Variants in USP40 observed in about 807,000 individuals in gnomAD.
USP40 encodes ubiquitin carboxyl-terminal hydrolase 40.
USP40 carries 143 observed loss-of-function variants against 166.2 expected under a neutral mutation model. The ratio of observed to expected loss-of-function variants is 0.86; its 90% CI spans 0.75 to 0.99. The LOEUF (loss-of-function observed/expected upper bound fraction) is 0.99, where lower values mean the gene tolerates loss of function less well. Ranked by LOEUF, USP40 falls within the 50% of genes least tolerant of loss-of-function variation. The pLI is 0.00. For missense variants in USP40, 1,444 were observed against 1,479.7 expected (o/e 0.98, Z 0.40); for synonymous variants, 498 against 524.0 (o/e 0.95, Z 0.68).
In USP40 at chr2:233,482,582, G is replaced by GTTTTT. The variant is rs1203339243; in HGVS notation, c.3505-1290_3505-1286dup. Among the ~76,000 whole-genome samples, 670 of 136,912 alleles carry GTTTTT rather than the reference G, an allele frequency of 4.9e-3. 12 individuals are homozygous for GTTTTT. The highest frequency in any genetic ancestry group is 0.018 in the African/African-American group (645 of 35,282). 89.8% of individuals were successfully genotyped at this position (136,912 alleles called of 152,430 possible). A position where few individuals can be genotyped will look rare whatever the true frequency, so the allele number is the denominator to read the frequency against. ...TGTACCAACTTGTGTTCCCACTGGA[G>GTTTTT]TTTTTTTTTTTTGTTTTTTTTTTTT... On this transcript the variant is annotated intron_variant, in intron 30 of 31. Coordinates refer to ENST00000678225, the MANE Select transcript of USP40 (RefSeq NM_001365479.2).
chr2:233,503,449 C>T (rs2066214795), intron 21 of USP40, among the ~76,000 whole-genome samples: 2 of 152,116 alleles, frequency 1.3e-5, no homozygotes, highest in African/African-American at 2.4e-5. Flanking sequence ...TTAGATTCAA[C>T]ACAAAAAGAT....
intron 25 of USP40, chr2:233,491,480 T>C: frequency 1.8e-6 from 1 of 564,860 alleles, no homozygotes; most frequent in South Asian, 2.1e-5. Flanking sequence ...TGCCCCTACC[T>C]TGAATGTACT....
At chr2:233,487,845 A>G (rs529669167) in intron 28 of USP40, 93 of 451,882 alleles carry the variant, frequency 2.1e-4, no homozygotes, top group African/African-American at 1.8e-3. Flanking sequence ...CAGTAAGTAC[A>G]GATATGTCAG....
At chr2:233,564,917 G>A (rs1338328872) in intron 2 of USP40, among the ~76,000 whole-genome samples, 1 of 152,066 alleles carries the variant, frequency 6.6e-6, no homozygotes, top group Non-Finnish European at 1.5e-5. Context: ...TCAGAAATGC[G>A]TATGAACAAC....
chr2:233,476,045 C>T lies in USP40; in HGVS notation c.*1347G>A, dbSNP rs563610134. Reference sequence around the variant, plus strand: ...GCAGTGCTTCACGGAAACGCACAGACGTCTATGGCAGACGCTCTCAGACAC... The same window carrying T: ...GCAGTGCTTCACGGAAACGCACAGATGTCTATGGCAGACGCTCTCAGACAC... On this transcript the variant is annotated 3_prime_UTR_variant, in exon 32 of 32. Transcript: ENST00000678225. 3 of 152,484 alleles carry T rather than the reference C, an allele frequency of 2.0e-5. No homozygotes were observed. Among genetic ancestry groups the T allele is most frequent in the South Asian group, 4.1e-4 (2 of 4,834 alleles). The allele number at this position is 152,484 out of a possible 1,614,324, so 9.4% of individuals were successfully genotyped here.
chr2:233,521,060 G>A lies in USP40; in HGVS notation c.2256C>T (p.Leu752=), dbSNP rs957059773. ...CTAACTGGCATAAATTTTTAACGTG[G>A]AGCCAGTCAATCTCATTCATACTAG... is the stretch of plus-strand genomic sequence containing the variant. ...WVTSMNEIDW[L]HVKNLCQLES... is the part of the protein sequence containing the mutation. The change falls in exon 17 of 32, where the codon CTC becomes CTT. Residue 752 remains leucine (L), a synonymous_variant. Transcript: ENST00000678225. The A allele has an allele frequency of 3.7e-6, 6 of 1,613,310 alleles. No individual in the cohort carries two copies. The highest frequency in any genetic ancestry group is 5.1e-6 in the Non-Finnish European group (6 of 1,179,582).
In USP40 at chr2:233,477,137, TGTGA is replaced by T; in HGVS notation, c.*251_*254del. ...AAAAGGCAGCTGGGGCCGGGTGCTG[TGTGA>T]GAGAGCCCAGCACCTACTGGCAGCT... On this transcript the variant is annotated 3_prime_UTR_variant, in exon 32 of 32. Transcript: ENST00000678225. 2.0e-6 allele frequency: 1 copy of T among 495,790 alleles called. No individual in the cohort carries two copies. Among genetic ancestry groups the T allele is most frequent in the Non-Finnish European group, 3.7e-6 (1 of 270,540 alleles). 30.7% of individuals were successfully genotyped at this position (495,790 alleles called of 1,614,324 possible).
intron 2 of USP40, among the ~76,000 whole-genome samples, chr2:233,564,802 A>G (rs2071989798): frequency 6.6e-6 from 1 of 152,222 alleles, no homozygotes; most frequent in African/African-American, 2.4e-5. Flanking sequence ...ATGAACATTC[A>G]CCCACATGAG....
chr2:233,532,978 G>C (rs577495354), intron 11 of USP40, among the ~76,000 whole-genome samples: 1 of 151,046 alleles, frequency 6.6e-6, no homozygotes, highest in Non-Finnish European at 1.5e-5. Context: ...TGAGAAACAG[G>C]AAAATAAAGG....
Position 233,477,488 on chromosome 2 carries a change from A to G in USP40, c.3615T>C (p.His1205=), listed in dbSNP as rs2971863. ...LGRRKSQEAL[H]EQSSYILSSA... Reference sequence around the variant, plus strand: ...TGGAGAGGATGTAGCTGCTCTGCTCATGGAGGGCTTCTTGGCTGCAGAGAC... The same window carrying G: ...TGGAGAGGATGTAGCTGCTCTGCTCGTGGAGGGCTTCTTGGCTGCAGAGAC... Residue 1205 remains histidine (H), a synonymous_variant, in exon 32 of 32, where the codon CAT becomes CAC. Transcript: ENST00000678225. The G allele has an allele frequency of 0.22, 348,625 of 1,612,676 alleles. 40,797 individuals carry two copies. The highest frequency in any genetic ancestry group is 0.45 in the African/African-American group (33,807 of 74,984).
intron 13 of USP40, among the ~76,000 whole-genome samples, chr2:233,526,315 T>TA (rs1405520995): frequency 2.6e-5 from 4 of 152,210 alleles, no homozygotes; most frequent in Admixed American, 6.5e-5. Flanking sequence ...ACCTCACACT[T>TA]ACAAAGTGAA....
intron 20 of USP40, among the ~76,000 whole-genome samples, chr2:233,511,270 T>C (rs1326809485): frequency 6.6e-6 from 1 of 152,188 alleles, no homozygotes; most frequent in African/African-American, 2.4e-5. Context: ...TAATTAAGTC[T>C]AAAATTAATA....
intron 18 of USP40, 24 bp downstream of exon 18, chr2:233,519,590 C>T (rs1050018141): frequency 1.3e-5 from 18 of 1,406,492 alleles, no homozygotes; most frequent in East Asian, 5.1e-5. Flanking sequence ...AACTAAGAAC[C>T]GAAAAGAAAA....
Position 233,493,798 on chromosome 2 carries a change from A to G in USP40, c.2791-247T>C, listed in dbSNP as rs1243093471. 6.6e-6 allele frequency among the ~76,000 whole-genome samples: 1 copy of G among 152,226 alleles called. No homozygotes were observed. The highest frequency in any genetic ancestry group is 1.5e-5 in the Non-Finnish European group (1 of 68,044). ...TTAAAGGTATCTTAGTAGATAATAT[A>G]AATGAGAAGCATAAACAAGAACAAT... On this transcript the variant is annotated intron_variant, in intron 24 of 31. Transcript: ENST00000678225. The surrounding 1 kb of genome is among the most constrained non-coding windows in gnomAD (Gnocchi z 4.7).
intron 20 of USP40, among the ~76,000 whole-genome samples, chr2:233,510,695 C>T (rs966482536): frequency 2.0e-5 from 3 of 152,048 alleles, no homozygotes; most frequent in Admixed American, 6.6e-5. Flanking sequence ...TGAGCCACCG[C>T]GCCCGGCCAA....
chr2:233,494,915 C>CATTTAT (rs1265219527), intron 24 of USP40, among the ~76,000 whole-genome samples: 493 of 11,046 alleles, frequency 0.045, 31 homozygotes, highest in South Asian at 0.064. Flanking sequence ...AGCAAAATGG[C>CATTTAT]ATATATATAT....
intron 10 of USP40, among the ~76,000 whole-genome samples, chr2:233,540,123 C>CAAAAA (rs74742520): frequency 1.2e-4 from 6 of 50,076 alleles, no homozygotes; most frequent in African/African-American, 4.3e-4. Flanking sequence ...GACCTCAACT[C>CAAAAA]AAAAAAAAAA....
chr2:233,529,767 T>A (rs778581035), intron 11 of USP40, among the ~76,000 whole-genome samples: 4 of 151,898 alleles, frequency 2.6e-5, no homozygotes, highest in Non-Finnish European at 4.4e-5. Context: ...GTATACTTTT[T>A]AAAAAGAACA....
At chr2:233,481,326 G>A in intron 30 of USP40, 29 bp from the exon 31 acceptor site, 1 of 1,555,174 alleles carries the variant, frequency 6.4e-7, no homozygotes, top group South Asian at 1.2e-5. Flanking sequence ...AATGAGCAGT[G>A]TTTTCTGACA....
Sources: allele counts gnomAD v4.1 joint callset (sites outside exome capture counted in the v4.1 genomes callset), GRCh38; gene constraint gnomAD v4.1.1; non-coding constraint Gnocchi (gnomAD v3.1); transcripts MANE v1.5; gene names NCBI Gene and HGNC (gene_info 2026-07-23, HGNC 2026-07-21).